TMEM215: variants seen among roughly 807,000 people sequenced by gnomAD.
TMEM215 encodes the protein transmembrane protein 215.
In TMEM215, 12 loss-of-function variants were observed where a neutral mutation model predicts 14.7. The ratio of observed to expected loss-of-function variants is 0.82; its 90% CI spans 0.52 to 1.33. The LOEUF is 1.33. Ranked by LOEUF, TMEM215 falls within the 40% of genes most tolerant of loss-of-function variation. The pLI is 0.00. For synonymous variants in TMEM215, 122 were observed against 124.8 expected, an observed-to-expected ratio of 0.98 and a Z score of 0.15; for missense variants, 276 against 296.2, an observed-to-expected ratio of 0.93 and a Z score of 0.50.
rs1340674511 is a variant in TMEM215, at chr9:32,787,659, A to G, written c.*2768A>G. Among the ~76,000 whole-genome samples, 2 of 152,138 alleles carry G rather than the reference A, an allele frequency of 1.3e-5. No homozygotes were observed. The highest frequency in any genetic ancestry group is 2.9e-5 in the Non-Finnish European group (2 of 67,966). ...AAGTGTCTCAGCCCTTTAGAGGAAA[A>G]GAGAGCAACTCATTCTGATGAGTTA... On this transcript the variant is annotated 3_prime_UTR_variant, in exon 2 of 2. Transcript: ENST00000342743.
In TMEM215 at chr9:32,787,651, A is replaced by C. The variant is rs1037929839; in HGVS notation, c.*2760A>C. ...GAGAAAAAAAGTGTCTCAGCCCTTTAGAGGAAAAGAGAGCAACTCATTCTG... is the reference window on the plus strand; with the variant it reads ...GAGAAAAAAAGTGTCTCAGCCCTTTCGAGGAAAAGAGAGCAACTCATTCTG... On this transcript the variant is annotated 3_prime_UTR_variant, in exon 2 of 2. Transcript: ENST00000342743. Among the ~76,000 whole-genome samples, 1 of 152,252 alleles carries C rather than the reference A, an allele frequency of 6.6e-6. No individual in the cohort carries two copies. The highest frequency in any genetic ancestry group is 1.5e-5 in the Non-Finnish European group (1 of 67,954).
chr9:32,788,814 T>C lies in TMEM215; in HGVS notation c.*3923T>C, dbSNP rs1157909754. On this transcript the variant is annotated 3_prime_UTR_variant, in exon 2 of 2. Transcript: ENST00000342743. ...CCATCAGGACCAGAACTAGTATGTT[T>C]AGGAGTAAGATGGAACATTTCCCCA... Among the ~76,000 whole-genome samples the C allele has an allele frequency of 2.0e-5, 3 of 152,232 alleles. No homozygotes were observed. Among genetic ancestry groups the C allele is most frequent in the Non-Finnish European group, 4.4e-5 (3 of 68,040 alleles).
Position 32,786,019 on chromosome 9 carries a change from A to G in TMEM215, c.*1128A>G, listed in dbSNP as rs556322814. The stretch of plus-strand genomic sequence containing the variant: ...AGCTCACCTGATCAGTGAACATTAC[A>G]TGATAAAAGTCTCTTTATTTCATAC... On this transcript the variant is annotated 3_prime_UTR_variant, in exon 2 of 2. Coordinates refer to ENST00000342743, the MANE Select transcript of TMEM215 (RefSeq NM_212558.3). The G allele has an allele frequency of 8.4e-5, 14 of 167,112 alleles. No homozygotes were observed. The highest frequency in any genetic ancestry group is 3.1e-4 in the African/African-American group (13 of 41,582). 10.4% of individuals were successfully genotyped at this position (167,112 alleles called of 1,614,324 possible).
chr9:32,784,377 G>T lies in TMEM215; in HGVS notation c.194G>T (p.Gly65Val), dbSNP rs777427911. 1.9e-6 allele frequency: 3 copies of T among 1,614,218 alleles called. No homozygotes were observed. The South Asian group carries it at 3.3e-5, about 18-fold the overall frequency. ...AAIALARKTE[G>V]CTKWPENELL... Reference sequence around the variant, plus strand: ...ATTGCCCTGGCCAGGAAAACCGAGGGATGCACCAAGTGGCCAGAGAACGAG... The same window carrying T: ...ATTGCCCTGGCCAGGAAAACCGAGGTATGCACCAAGTGGCCAGAGAACGAG... The change falls in exon 2 of 2, where the codon GGA becomes GTA. Residue 65 changes from glycine (G) to valine (V), a missense_variant. Gly to Val is a moderately radical substitution (Grantham distance 109). Transcript: ENST00000342743.
rs1429165040 is a variant in TMEM215 at position 32,784,798 on chromosome 9, C to T, written c.615C>T (p.Ile205=). 2 of 1,613,556 alleles carry T rather than the reference C, an allele frequency of 1.2e-6. No individual in the cohort carries two copies. The highest frequency in any genetic ancestry group is 2.7e-5 in the African/African-American group (2 of 74,888). The change falls in exon 2 of 2, where the codon ATC becomes ATT. Residue 205 remains isoleucine, a synonymous_variant. Transcript: ENST00000342743. ...TCTTTGTGCCCCAGGACAGTATCATCGTTTGCTCCTACAAGCAGAACAGCC... is the reference window on the plus strand; with the variant it reads ...TCTTTGTGCCCCAGGACAGTATCATTGTTTGCTCCTACAAGCAGAACAGCC... ...SIFFVPQDSI[I]VCSYKQNSPY... is the part of the protein sequence containing the mutation.
rs984686964 is a variant in TMEM215, at chr9:32,784,228, C to T, written c.45C>T (p.Ala15=). The change falls in exon 2 of 2, where the codon GCC becomes GCT. Residue 15 remains alanine, a synonymous_variant. Coordinates refer to ENST00000342743, the MANE Select transcript of TMEM215 (RefSeq NM_212558.3). Reference sequence around the variant, plus strand: ...ACCCGAGGACTGGGCTGGTGGTGGCCCTGGTCAGTGTCTTCCTCGTCTTTG... The same window carrying T: ...ACCCGAGGACTGGGCTGGTGGTGGCTCTGGTCAGTGTCTTCCTCGTCTTTG... ...DINPRTGLVV[A]LVSVFLVFGF... 1.2e-5 allele frequency: 19 copies of T among 1,613,948 alleles called. No individual in the cohort carries two copies. Among genetic ancestry groups the T allele is most frequent in the Non-Finnish European group, 1.6e-5 (19 of 1,180,002 alleles).
Position 32,786,783 on chromosome 9 carries a change from C to T in TMEM215, c.*1892C>T, listed in dbSNP as rs913163393. The T allele has an allele frequency of 1.2e-5, 2 of 166,982 alleles. No individual in the cohort carries two copies. The highest frequency in any genetic ancestry group is 3.9e-4 in the East Asian group (2 of 5,192). 10.3% of individuals were successfully genotyped at this position (166,982 alleles called of 1,614,324 possible). A position where few individuals can be genotyped will look rare whatever the true frequency, so the allele number is the denominator to read the frequency against. On this transcript the variant is annotated 3_prime_UTR_variant, in exon 2 of 2. Transcript: ENST00000342743. Reference sequence around the variant, plus strand: ...AATGCATTCCTGAGAATAAAATGAACATAATCAGAGTAAAATATTTTTGAG... The same window carrying T: ...AATGCATTCCTGAGAATAAAATGAATATAATCAGAGTAAAATATTTTTGAG...
In TMEM215 at chr9:32,784,496, A is replaced by C; in HGVS notation, c.313A>C (p.Lys105Gln). ...GACCCCTTCAGACCTAGAATCCGGC[A>C]AGGGGAGCTCAGATGAGCTGGCTAA... ...LRTPSDLESGKGSSDELAKKA... is the reference protein window; with the variant it reads ...LRTPSDLESGQGSSDELAKKA... Residue 105 changes from lysine (K) to glutamine (Q), a missense_variant, in exon 2 of 2, where the codon AAG (lysine) becomes CAG (glutamine). Coordinates refer to ENST00000342743, the MANE Select transcript of TMEM215 (RefSeq NM_212558.3). 1 of 1,614,076 alleles carries C rather than the reference A, an allele frequency of 6.2e-7. No homozygotes were observed. The highest frequency in any genetic ancestry group is 8.5e-7 in the Non-Finnish European group (1 of 1,180,024).
rs1388033966 is a variant in TMEM215 at position 32,786,602 on chromosome 9, G to T, written c.*1711G>T. On this transcript the variant is annotated 3_prime_UTR_variant, in exon 2 of 2. Coordinates refer to ENST00000342743, the MANE Select transcript of TMEM215 (RefSeq NM_212558.3). Reference sequence around the variant, plus strand: ...TCATTTTCAGTGTAAATATTCTATGGTGTTATGTCAAAGGCATTTTATATA... The same window carrying T: ...TCATTTTCAGTGTAAATATTCTATGTTGTTATGTCAAAGGCATTTTATATA... 1 of 166,814 alleles carries T rather than the reference G, an allele frequency of 6.0e-6. No homozygotes were observed. Among genetic ancestry groups the T allele is most frequent in the Non-Finnish European group, 1.5e-5 (1 of 68,008 alleles). The allele number at this position is 166,814 out of a possible 1,614,324, so 10.3% of individuals were successfully genotyped here.
In TMEM215 at chr9:32,784,824, CG is replaced by C; in HGVS notation, c.642del (p.Tyr215MetfsTer31). The C allele has an allele frequency of 6.2e-7, 1 of 1,613,388 alleles. No homozygotes were observed. Among genetic ancestry groups the C allele is most frequent in the Non-Finnish European group, 8.5e-7 (1 of 1,180,020 alleles). On this transcript the variant is annotated frameshift_variant, in exon 2 of 2. Coordinates refer to ENST00000342743, the MANE Select transcript of TMEM215 (RefSeq NM_212558.3). LOFTEE classifies it high-confidence loss of function. Reference sequence around the variant, plus strand: ...GTTTGCTCCTACAAGCAGAACAGCCCGTATGACAGATACTGTTGTTATATCA... The same window carrying C: ...GTTTGCTCCTACAAGCAGAACAGCCCTATGACAGATACTGTTGTTATATCA... ...IIVCSYKQNS[P>X]YDRYCCYINQ...
At position 32,787,899 on chromosome 9, in the gene TMEM215, C is replaced by T. The variant is rs1824525841; in HGVS notation, c.*3008C>T. 6.6e-6 allele frequency among the ~76,000 whole-genome samples: 1 copy of T among 152,068 alleles called. No individual in the cohort carries two copies. The highest frequency in any genetic ancestry group is 1.5e-5 in the Non-Finnish European group (1 of 67,970). ...GCTCTGTATGCCTACTTATTGTGCA[C>T]ATGGGTTGTTTTTCCAAACTGCTTC... On this transcript the variant is annotated 3_prime_UTR_variant, in exon 2 of 2. Transcript: ENST00000342743.
intron 1 of TMEM215, 46 bp from the exon 2 acceptor site, chr9:32,784,080 T>A (rs1824471638): frequency 1.8e-6 from 2 of 1,137,234 alleles, no homozygotes; most frequent in African/African-American, 3.1e-5. Context: ...GGGTGGGAGC[T>A]TGACTTGGAT....
In TMEM215 at chr9:32,784,403, C is replaced by T. The variant is rs775000383; in HGVS notation, c.220C>T (p.Leu74=). 3.1e-6 allele frequency: 5 copies of T among 1,614,100 alleles called. No individual in the cohort carries two copies. The highest frequency in any genetic ancestry group is 4.2e-6 in the Non-Finnish European group (5 of 1,180,042). ...ATGCACCAAGTGGCCAGAGAACGAG[C>T]TGCTGTGGGTCCGCAAATTGCCCTG... ...EGCTKWPENE[L]LWVRKLPCFR... Residue 74 remains leucine, a synonymous_variant, in exon 2 of 2, where the codon CTG becomes TTG. Transcript: ENST00000342743.
chr9:32,787,058 C>T lies in TMEM215; in HGVS notation c.*2167C>T, dbSNP rs1824515058. On this transcript the variant is annotated 3_prime_UTR_variant, in exon 2 of 2. Transcript: ENST00000342743. ...CGTTAGAGATGAGGAGATAGTGAGA[C>T]AGAGAGATGTTCACAGAGACTCAGC... The T allele has an allele frequency of 6.0e-6, 1 of 166,926 alleles. No individual in the cohort carries two copies. Among genetic ancestry groups the T allele is most frequent in the African/African-American group, 2.4e-5 (1 of 41,444 alleles). 10.3% of individuals were successfully genotyped at this position (166,926 alleles called of 1,614,324 possible). A position where few individuals can be genotyped will look rare whatever the true frequency, so the allele number is the denominator to read the frequency against.
rs751523176 is a variant in TMEM215, at chr9:32,784,624, G to C, written c.441G>C (p.Gln147His). Reference protein sequence around the residue: ...SPTPTEEGECQSLVQNGHQEE... With the variant: ...SPTPTEEGECHSLVQNGHQEE... ...CACCCACGGAGGAAGGAGAATGCCA[G>C]AGCCTCGTCCAGAATGGGCATCAGG... The change falls in exon 2 of 2, where the codon CAG (glutamine) becomes CAC (histidine). Residue 147 changes from glutamine to histidine, a missense_variant. By Grantham distance (24) the Gln-to-His change is conservative. Transcript: ENST00000342743. 1.2e-6 allele frequency: 2 copies of C among 1,613,734 alleles called. No homozygotes were observed. The highest frequency in any genetic ancestry group is 1.7e-5 in the Admixed American group (1 of 59,994).
chr9:32,784,938 A>C lies in TMEM215; in HGVS notation c.*47A>C, dbSNP rs755176385. 19 of 1,511,584 alleles carry C rather than the reference A, an allele frequency of 1.3e-5. No homozygotes were observed. Among genetic ancestry groups the C allele is most frequent in the Non-Finnish European group, 1.7e-5 (19 of 1,103,948 alleles). 93.6% of individuals were successfully genotyped at this position (1,511,584 alleles called of 1,614,324 possible). On this transcript the variant is annotated 3_prime_UTR_variant, in exon 2 of 2. Coordinates refer to ENST00000342743, the MANE Select transcript of TMEM215 (RefSeq NM_212558.3). ...GGATTGATAGAATATGACTAAGCCC[A>C]GCTCCCCGTGGAAGCAAATTGCTCT... is the stretch of plus-strand genomic sequence containing the variant.
chr9:32,788,825 T>C lies in TMEM215; in HGVS notation c.*3934T>C, dbSNP rs114990957. On this transcript the variant is annotated 3_prime_UTR_variant, in exon 2 of 2. Transcript: ENST00000342743. ...AGAACTAGTATGTTTAGGAGTAAGA[T>C]GGAACATTTCCCCAGCTAAGATACC... Among the ~76,000 whole-genome samples, 875 of 152,340 alleles carry C rather than the reference T, an allele frequency of 5.7e-3. 5 individuals carry two copies. The highest frequency in any genetic ancestry group is 0.02 in the African/African-American group (845 of 41,582).
chr9:32,784,858 A>G lies in TMEM215; in HGVS notation c.675A>G (p.Ile225Met). The G allele has an allele frequency of 1.2e-6, 2 of 1,613,116 alleles. No homozygotes were observed. Among genetic ancestry groups the G allele is most frequent in the South Asian group, 2.2e-5 (2 of 91,072 alleles). Reference sequence around the variant, plus strand: ...GATACTGTTGTTATATCAATCAGATACAAGGCAGGTGGGACCACGAGACCA... The same window carrying G: ...GATACTGTTGTTATATCAATCAGATGCAAGGCAGGTGGGACCACGAGACCA... ...YDRYCCYINQ[I>M]QGRWDHETIV Residue 225 changes from isoleucine to methionine, a missense_variant, in exon 2 of 2, where the codon ATA (isoleucine) becomes ATG (methionine). Coordinates refer to ENST00000342743, the MANE Select transcript of TMEM215 (RefSeq NM_212558.3).
Position 32,784,196 on chromosome 9 carries a change from G to T in TMEM215, c.13G>T (p.Asp5Tyr). 1 of 1,612,836 alleles carries T rather than the reference G, an allele frequency of 6.2e-7. No individual in the cohort carries two copies. The highest frequency in any genetic ancestry group is 1.1e-5 in the South Asian group (1 of 90,898). The change falls in exon 2 of 2, where the codon GAC becomes TAC. Residue 5 changes from aspartate (D) to tyrosine (Y), a missense_variant. Coordinates refer to ENST00000342743, the MANE Select transcript of TMEM215 (RefSeq NM_212558.3). Reference protein sequence around the residue: MRPDDINPRTGLVVA... With the variant: MRPDYINPRTGLVVA... ...GATGGAGTGAAACATGCGGCCTGAT[G>T]ACATTAACCCGAGGACTGGGCTGGT...
Sources: allele counts gnomAD v4.1 joint callset (sites outside exome capture counted in the v4.1 genomes callset), GRCh38; gene constraint gnomAD v4.1.1; transcripts MANE v1.5; gene names NCBI Gene and HGNC (gene_info 2026-07-23, HGNC 2026-07-21).